The following NCOA2 variants were observed in gnomAD, a reference collection of about 807,000 sequenced individuals.
NCOA2 encodes class E basic helix-loop-helix protein 75.
A neutral mutation model predicts 145.1 loss-of-function variants in NCOA2; 21 were observed. That is an observed-to-expected ratio of 0.14 (90% CI 0.10 to 0.21). The LOEUF is 0.21. Ranked by LOEUF, NCOA2 falls within the 10% of genes least tolerant of loss-of-function variation. The probability of loss-of-function intolerance (pLI) is 1.00; values close to 1 mark genes in which losing one functional copy is unlikely to be tolerated. For missense variants in NCOA2, 1,472 were observed against 1,837.6 expected (o/e 0.80, Z 3.64); for synonymous variants, 619 against 637.5 (o/e 0.97, Z 0.44).
chr8:70,220,443 T>C (rs1820039218), intron 2 of NCOA2, among the ~76,000 whole-genome samples: 1 of 152,220 alleles, frequency 6.6e-6, no homozygotes, highest in Non-Finnish European at 1.5e-5. Context: ...CCATTCTTGT[T>C]ATCTGTAACA....
At chr8:70,307,100 G>A (rs2135941949) in intron 1 of NCOA2, among the ~76,000 whole-genome samples, 2 of 150,332 alleles carry the variant, frequency 1.3e-5, no homozygotes, top group Middle Eastern at 3.4e-3. Flanking sequence ...TTGATATCAA[G>A]AAGATACTTT....
chr8:70,151,042 T>C (rs1397253191), intron 11 of NCOA2, among the ~76,000 whole-genome samples: 3 of 152,182 alleles, frequency 2.0e-5, no homozygotes, highest in Admixed American at 6.5e-5. Context: ...GTGTTGAGCA[T>C]TTTTAAAAGG....
chr8:70,199,234 G>A lies in NCOA2; in HGVS notation c.259+14669C>T, dbSNP rs192370391. On this transcript the variant is annotated intron_variant, in intron 4 of 22. Transcript: ENST00000452400. ...AGGCTGAGGTGGGAGGATCACCTGAGGTCAGGAGTTCGAGGCCAGCCTGGC... is the reference window on the plus strand; with the variant it reads ...AGGCTGAGGTGGGAGGATCACCTGAAGTCAGGAGTTCGAGGCCAGCCTGGC... Among the ~76,000 whole-genome samples the A allele has an allele frequency of 6.5e-3, 989 of 152,046 alleles. 13 individuals carry two copies. Among genetic ancestry groups the A allele is most frequent in the African/African-American group, 0.023 (935 of 41,456 alleles).
chr8:70,126,602 G>A, intron 19 of NCOA2: 4 of 585,424 alleles, frequency 6.8e-6, no homozygotes, highest in Non-Finnish European at 1.2e-5. Context: ...AGAAAAGGAG[G>A]TACCTGAGCT....
chr8:70,209,048 T>C (rs749785270), intron 4 of NCOA2, among the ~76,000 whole-genome samples: 5 of 152,168 alleles, frequency 3.3e-5, no homozygotes, highest in Non-Finnish European at 7.4e-5. Context: ...CCATTCTAGA[T>C]GCCATGAAGA....
At chr8:70,293,113 T>C (rs1826828767) in intron 2 of NCOA2, among the ~76,000 whole-genome samples, 1 of 152,184 alleles carries the variant, frequency 6.6e-6, no homozygotes, top group Admixed American at 6.5e-5. Flanking sequence ...ACCACAAAAA[T>C]AGTGATATAA....
At chr8:70,259,547 A>C (rs1020375673) in intron 2 of NCOA2, among the ~76,000 whole-genome samples, 4 of 152,190 alleles carry the variant, frequency 2.6e-5, no homozygotes, top group African/African-American at 9.7e-5. Context: ...GGTTTCATAG[A>C]GAAAAATAAT....
intron 22 of NCOA2, among the ~76,000 whole-genome samples, chr8:70,119,339 G>C (rs1380429209): frequency 6.6e-6 from 1 of 152,132 alleles, no homozygotes; most frequent in Non-Finnish European, 1.5e-5. Context: ...CCTTATCTCA[G>C]TTAAGATAAT....
rs913763523 is a variant in NCOA2 at position 70,275,991 on chromosome 8, T to C, written c.-20+20753A>G. ...CTTAGCTGTAAGGTAAAATATTGAC[T>C]GAGATGACCTTTGAAAACATCTAGA... On this transcript the variant is annotated intron_variant, in intron 2 of 22. Coordinates refer to ENST00000452400, the MANE Select transcript of NCOA2 (RefSeq NM_006540.4). Among the ~76,000 whole-genome samples, 9 of 152,218 alleles carry C rather than the reference T, an allele frequency of 5.9e-5. No individual in the cohort carries two copies. In the South Asian group the frequency reaches 1.2e-3, roughly 21 times the overall value.
At position 70,227,125 on chromosome 8, in the gene NCOA2, T is replaced by C. The variant is rs571111958; in HGVS notation, c.-19-10361A>G. ...CCCACTGTCACCATGAGGCAGCCCT[T>C]TGTGGGCTCCAGGCAGGCTCATGCT... On this transcript the variant is annotated intron_variant, in intron 2 of 22. Transcript: ENST00000452400. Among the ~76,000 whole-genome samples the C allele has an allele frequency of 6.6e-4, 101 of 152,332 alleles. 3 individuals carry two copies. The South Asian group carries it at 0.011, about 16-fold the overall frequency.
At chr8:70,394,701 C>T (rs1387050131) in intron 1 of NCOA2, among the ~76,000 whole-genome samples, 1 of 152,132 alleles carries the variant, frequency 6.6e-6, no homozygotes, top group Middle Eastern at 3.2e-3. Flanking sequence ...CAGCTAACAC[C>T]ATTTTGATGG....
intron 6 of NCOA2, among the ~76,000 whole-genome samples, chr8:70,168,003 T>C (rs1813820977): frequency 6.6e-6 from 1 of 152,198 alleles, no homozygotes; most frequent in Non-Finnish European, 1.5e-5. Flanking sequence ...TTATCTAAAA[T>C]ATACTGGGGA....
At chr8:70,290,019 C>T (rs892476923) in intron 2 of NCOA2, among the ~76,000 whole-genome samples, 9 of 151,810 alleles carry the variant, frequency 5.9e-5, no homozygotes, top group African/African-American at 2.2e-4. Flanking sequence ...CCTACGTATA[C>T]TTCTTACTTT....
chr8:70,212,530 T>C (rs114632563), intron 4 of NCOA2, among the ~76,000 whole-genome samples: 480 of 152,276 alleles, frequency 3.2e-3, no homozygotes, highest in African/African-American at 0.01. Flanking sequence ...GCTATATGTA[T>C]ATTTTTATGT....
chr8:70,198,223 A>C (rs1259156466), intron 4 of NCOA2, among the ~76,000 whole-genome samples: 3 of 152,162 alleles, frequency 2.0e-5, no homozygotes, highest in Non-Finnish European at 4.4e-5. Flanking sequence ...GGTAATAGGG[A>C]GTTTTTTGTG....
chr8:70,242,469 A>T (rs1326437494), intron 2 of NCOA2, among the ~76,000 whole-genome samples: 1 of 152,164 alleles, frequency 6.6e-6, no homozygotes, highest in Non-Finnish European at 1.5e-5. Context: ...ACTAAAACGC[A>T]TGCTAAAAAA....
chr8:70,142,163 G>T (rs1329584324), intron 13 of NCOA2, among the ~76,000 whole-genome samples: 1 of 152,182 alleles, frequency 6.6e-6, no homozygotes, highest in Non-Finnish European at 1.5e-5. Context: ...CCAAACATTT[G>T]CTAAGACTTG....
At chr8:70,368,996 A>G (rs1187361334) in intron 1 of NCOA2, among the ~76,000 whole-genome samples, 1 of 152,224 alleles carries the variant, frequency 6.6e-6, no homozygotes, top group Non-Finnish European at 1.5e-5. Context: ...ATAACAGTAA[A>G]GTCTCAAAAA....
chr8:70,411,165 T>C, the NCOA2 span, among the ~76,000 whole-genome samples: 2 of 152,166 alleles, frequency 1.3e-5, no homozygotes, highest in Non-Finnish European at 2.9e-5. Flanking sequence ...ATAACAAACA[T>C]TGTACTCAAT....
Sources: gnomAD v4.1 joint callset for allele counts (sites outside exome capture counted in the v4.1 genomes callset) on GRCh38, gnomAD v4.1.1 for gene constraint, MANE v1.5 for transcripts, NCBI Gene and HGNC (gene_info 2026-07-23, HGNC 2026-07-21) for gene names.